SCAPER: variants seen among roughly 807,000 people sequenced by gnomAD.
SCAPER encodes S phase cyclin A-associated protein in the endoplasmic reticulum.
A neutral mutation model predicts 182.2 loss-of-function variants in SCAPER; 98 were observed. That is an observed-to-expected ratio of 0.54 (90% CI 0.46 to 0.64). The LOEUF (loss-of-function observed/expected upper bound fraction) is 0.64. Ranked by LOEUF, SCAPER falls within the 30% of genes least tolerant of loss-of-function variation. The pLI, the probability that SCAPER is intolerant of heterozygous loss-of-function variation, is 0.00. For missense variants in SCAPER, 1,432 were observed against 1,690.0 expected (o/e 0.85, Z 2.68); for synonymous variants, 605 against 564.6 (o/e 1.07, Z -1.01).
intron 1 of SCAPER, among the ~76,000 whole-genome samples, chr15:76,889,154 C>A (rs7173333): frequency 0.014 from 2,096 of 152,260 alleles, 37 homozygotes; most frequent in African/African-American, 0.047. Context: ...ACCAGGCCTG[C>A]CTTATAAGAG....
chr15:76,447,403 G>A (rs1294692183), intron 25 of SCAPER, among the ~76,000 whole-genome samples: 1 of 152,132 alleles, frequency 6.6e-6, no homozygotes, highest in Admixed American at 6.5e-5. Flanking sequence ...ATAGTCATTT[G>A]GTCAGAAGCA....
chr15:76,529,046 T>G, intron 23 of SCAPER, among the ~76,000 whole-genome samples: 1 of 152,360 alleles, frequency 6.6e-6, no homozygotes, highest in East Asian at 1.9e-4. Context: ...CTTATAGAAC[T>G]TTGTTGTTGT....
intron 17 of SCAPER, among the ~76,000 whole-genome samples, chr15:76,714,520 CTAGTAGTAGTAGTGGTAG>C (rs1458484258): frequency 6.9e-6 from 1 of 144,972 alleles, no homozygotes; most frequent in Admixed American, 7.0e-5. Context: ...GATTACCATT[CTAGTAGTAGTAGTGGTAG>C]TAGTAGTAGT....
intron 25 of SCAPER, among the ~76,000 whole-genome samples, chr15:76,435,302 C>T (rs987776146): frequency 2.0e-5 from 3 of 152,216 alleles, no homozygotes; most frequent in Non-Finnish European, 4.4e-5. Context: ...CAAATATTCA[C>T]AGCTAATCTA....
rs1363313943 is a variant in SCAPER at position 76,411,903 on chromosome 15, T to TTA, written c.3312-7226_3312-7225dup. On this transcript the variant is annotated intron_variant, in intron 26 of 31. Coordinates refer to ENST00000563290, the MANE Select transcript of SCAPER (RefSeq NM_020843.4). ...GAACACACTTCCATGTGCTAAGTAG[T>TTA]TATTTGTGTATCTTTCCATGTGTTA... is the stretch of plus-strand genomic sequence containing the variant. Among the ~76,000 whole-genome samples, 10 of 152,204 alleles carry TTA rather than the reference T, an allele frequency of 6.6e-5. No individual in the cohort carries two copies. In the South Asian group the frequency reaches 1.4e-3, roughly 22 times the overall value.
chr15:76,508,062 T>A (rs1221601130), intron 23 of SCAPER, among the ~76,000 whole-genome samples: 5 of 151,518 alleles, frequency 3.3e-5, no homozygotes, highest in African/African-American at 9.7e-5. Flanking sequence ...TTGGTATCCC[T>A]TGTGCCCATC....
intron 8 of SCAPER, among the ~76,000 whole-genome samples, chr15:76,782,422 A>G (rs770090269): frequency 1.3e-5 from 2 of 152,174 alleles, no homozygotes; most frequent in East Asian, 1.9e-4. Context: ...ACTCCCACAC[A>G]ATAATAATGG....
rs113078905 is a variant in SCAPER, at chr15:76,669,394, T to C, written c.2509-3605A>G. Among the ~76,000 whole-genome samples the C allele has an allele frequency of 8.0e-3, 1,205 of 149,750 alleles. 11 individuals are homozygous for C. Among genetic ancestry groups the C allele is most frequent in the African/African-American group, 0.028 (1,144 of 40,786 alleles). The stretch of plus-strand genomic sequence containing the variant: ...CACATACAAAAAAACTTAAAACAAA[T>C]AACCCAGGTCTTTCTTTTCAAAGAA... On this transcript the variant is annotated intron_variant, in intron 20 of 31. Transcript: ENST00000563290.
At chr15:76,873,292 AGG>A (rs2151923996) in intron 2 of SCAPER, among the ~76,000 whole-genome samples, 2 of 68,084 alleles carry the variant, frequency 2.9e-5, no homozygotes, top group South Asian at 1.4e-3. Context: ...GAAGGAAGGA[AGG>A]AAGGAAGGAA....
chr15:76,621,967 T>G (rs569772095), intron 21 of SCAPER, 138 bp from the exon 22 acceptor site: 1 of 605,064 alleles, frequency 1.7e-6, no homozygotes, highest in Non-Finnish European at 2.9e-6. Flanking sequence ...TGACTACCTA[T>G]GTACCTCAAG....
chr15:76,592,092 T>C (rs2049160448), intron 22 of SCAPER, among the ~76,000 whole-genome samples: 1 of 151,558 alleles, frequency 6.6e-6, no homozygotes. Flanking sequence ...TCTATCTACC[T>C]ACCTACAGAT....
chr15:76,421,348 G>C (rs1366375677), intron 26 of SCAPER, among the ~76,000 whole-genome samples: 1 of 152,210 alleles, frequency 6.6e-6, no homozygotes, highest in Non-Finnish European at 1.5e-5. Context: ...TTGTGGTTTT[G>C]ATTTGCATTT....
intron 5 of SCAPER, among the ~76,000 whole-genome samples, chr15:76,810,706 T>TA (rs1463680594): frequency 6.6e-6 from 1 of 151,968 alleles, no homozygotes; most frequent in Non-Finnish European, 1.5e-5. Context: ...AACTCCCTGA[T>TA]AAAAAATACA....
At chr15:76,757,470 A>G (rs2151219580) in intron 14 of SCAPER, among the ~76,000 whole-genome samples, 1 of 152,060 alleles carries the variant, frequency 6.6e-6, no homozygotes, top group South Asian at 2.1e-4. Flanking sequence ...ACACACACAC[A>G]CACACACACT....
chr15:76,466,981 G>C (rs960472632), intron 25 of SCAPER, among the ~76,000 whole-genome samples: 2 of 152,048 alleles, frequency 1.3e-5, no homozygotes, highest in African/African-American at 4.8e-5. Flanking sequence ...CTGGATCATG[G>C]AGGCAGATTT....
chr15:76,508,767 C>T (rs2041798686), intron 23 of SCAPER, among the ~76,000 whole-genome samples: 1 of 152,132 alleles, frequency 6.6e-6, no homozygotes, highest in Non-Finnish European at 1.5e-5. Context: ...TCAAACTTGA[C>T]AAATGCTTAT....
chr15:76,866,147 G>T (rs1480729660), intron 2 of SCAPER, among the ~76,000 whole-genome samples: 1 of 152,110 alleles, frequency 6.6e-6, no homozygotes, highest in Non-Finnish European at 1.5e-5. Flanking sequence ...CAGGCCAAAT[G>T]AACAAGTATA....
At chr15:76,748,746 A>G (rs2151163425) in intron 15 of SCAPER, among the ~76,000 whole-genome samples, 1 of 152,070 alleles carries the variant, frequency 6.6e-6, no homozygotes, top group African/African-American at 2.4e-5. Context: ...AGTACATGAA[A>G]AGATGCTCTA....
At chr15:76,897,608 G>A (rs1469861754) in intron 1 of SCAPER, among the ~76,000 whole-genome samples, 1 of 152,070 alleles carries the variant, frequency 6.6e-6, no homozygotes, top group Non-Finnish European at 1.5e-5. Flanking sequence ...TCAGAAGACT[G>A]AGGCATGAGA....
Sources: gnomAD v4.1 joint callset for allele counts (sites outside exome capture counted in the v4.1 genomes callset) on GRCh38, gnomAD v4.1.1 for gene constraint, MANE v1.5 for transcripts, NCBI Gene and HGNC (gene_info 2026-07-23, HGNC 2026-07-21) for gene names.